RPS6KA2: variants seen among roughly 807,000 people sequenced by gnomAD.
RPS6KA2 encodes the protein ribosomal protein S6 kinase alpha-2.
RPS6KA2 carries 42 observed loss-of-function variants against 91.8 expected under a neutral mutation model. The ratio of observed to expected loss-of-function variants is 0.46; its 90% CI spans 0.36 to 0.59. RPS6KA2 has a LOEUF of 0.59. RPS6KA2 is among the 20% of genes least tolerant of loss of function. The pLI is 0.00. For missense variants in RPS6KA2, 798 were observed against 978.5 expected (o/e 0.82, Z 2.46); for synonymous variants, 414 against 393.6 (o/e 1.05, Z -0.61).
chr6:166,578,781 C>T (rs1186125745), intron 1 of RPS6KA2, among the ~76,000 whole-genome samples: 2 of 152,192 alleles, frequency 1.3e-5, no homozygotes, highest in Admixed American at 1.3e-4. Flanking sequence ...CTGGGCTCAG[C>T]TCCGAGGTCT....
rs147192040 is a variant in RPS6KA2, at chr6:166,828,580, G to C, written c.123+29620C>G. Among the ~76,000 whole-genome samples, 20 of 152,304 alleles carry C rather than the reference G, an allele frequency of 1.3e-4. No individual in the cohort carries two copies. In the East Asian group the frequency reaches 3.5e-3, roughly 26 times the overall value. On this transcript the variant is annotated intron_variant, in intron 2 of 21. Coordinates refer to the RPS6KA2 transcript ENST00000503859. ...AATGTATTCAGTGTGCCTTAAAAGTGGTATCACTGACTCATCAAATTGTCT... is the reference window on the plus strand; with the variant it reads ...AATGTATTCAGTGTGCCTTAAAAGTCGTATCACTGACTCATCAAATTGTCT...
At chr6:166,757,860 G>C in intron 2 of RPS6KA2, 2 of 287,878 alleles carry the variant, frequency 6.9e-6, no homozygotes, top group Non-Finnish European at 1.4e-5. Flanking sequence ...GAGAGAAGCT[G>C]AGAAAACCTC....
chr6:166,643,857 T>C (rs1263742666), intron 2 of RPS6KA2, among the ~76,000 whole-genome samples: 1 of 152,236 alleles, frequency 6.6e-6, no homozygotes, highest in Non-Finnish European at 1.5e-5. Flanking sequence ...CTTAGGTGTA[T>C]GTGTGTGAGC....
chr6:166,480,549 C>G (rs1053448956), intron 10 of RPS6KA2, among the ~76,000 whole-genome samples: 3 of 137,776 alleles, frequency 2.2e-5, no homozygotes, highest in African/African-American at 8.5e-5. Context: ...GAGTTTTGCT[C>G]TGTTGCCCAG....
At chr6:166,525,492 G>A (rs1782993675) in intron 3 of RPS6KA2, among the ~76,000 whole-genome samples, 1 of 152,076 alleles carries the variant, frequency 6.6e-6, no homozygotes, top group African/African-American at 2.4e-5. Flanking sequence ...GAAGGAGACG[G>A]GTGCCCAACG....
chr6:166,451,003 G>T, intron 13 of RPS6KA2, 100 bp downstream of exon 13: 2 of 1,432,316 alleles, frequency 1.4e-6, no homozygotes, highest in Non-Finnish European at 9.7e-7. Flanking sequence ...CCCATCCTAA[G>T]CACCCAACCC....
At position 166,718,927 on chromosome 6, in the gene RPS6KA2, T is replaced by C. The variant is rs186289027; in HGVS notation, c.123+139273A>G. On this transcript the variant is annotated intron_variant, in intron 2 of 21. Coordinates refer to the RPS6KA2 transcript ENST00000503859. ...ACCATTAGATTTTTTCTTATTTGTG[T>C]GTCTGTATACAGGCATATATGAGTA... Among the ~76,000 whole-genome samples, 366 of 152,350 alleles carry C rather than the reference T, an allele frequency of 2.4e-3. 1 individual carries two copies. Among genetic ancestry groups the C allele is most frequent in the Non-Finnish European group, 3.6e-3 (242 of 68,028 alleles).
intron 2 of RPS6KA2, among the ~76,000 whole-genome samples, chr6:166,794,776 G>A (rs1779182061): frequency 6.7e-6 from 1 of 150,364 alleles, no homozygotes; most frequent in Non-Finnish European, 1.5e-5. Flanking sequence ...AACACCACAT[G>A]TTGTCACTCA....
intron 2 of RPS6KA2, among the ~76,000 whole-genome samples, chr6:166,673,545 G>C (rs954676245): frequency 6.6e-6 from 1 of 152,128 alleles, no homozygotes; most frequent in Non-Finnish European, 1.5e-5. Context: ...TGAGCCCATG[G>C]GGCCAGCTGC....
In RPS6KA2 at chr6:166,770,739, C is replaced by T; in HGVS notation, c.123+87461G>A. The T allele has an allele frequency of 2.2e-6, 2 of 927,798 alleles. No individual in the cohort carries two copies. Among genetic ancestry groups the T allele is most frequent in the Middle Eastern group, 4.5e-4 (2 of 4,482 alleles). The allele number at this position is 927,798 out of a possible 1,614,324, so 57.5% of individuals were successfully genotyped here. A position where few individuals can be genotyped will look rare whatever the true frequency, so the allele number is the denominator to read the frequency against. ...CTTCTAAAAGCTCTTCGCACCTTGC[C>T]TTGCTGGACTCCGGGCACCGTGAAA... On this transcript the variant is annotated intron_variant, in intron 2 of 21. Transcript: ENST00000503859. The surrounding 1 kb of genome is among the most constrained non-coding windows in gnomAD (Gnocchi z 5.1).
At chr6:166,440,925 G>A (rs773772657) in intron 14 of RPS6KA2, among the ~76,000 whole-genome samples, 2 of 152,246 alleles carry the variant, frequency 1.3e-5, no homozygotes, top group Non-Finnish European at 2.9e-5. Flanking sequence ...CAGCTTCCCA[G>A]TGTGTGTTTC....
chr6:166,808,964 A>C (rs1779564387), intron 2 of RPS6KA2, among the ~76,000 whole-genome samples: 1 of 152,212 alleles, frequency 6.6e-6, no homozygotes, highest in African/African-American at 2.4e-5. Flanking sequence ...GTAAATATAG[A>C]CTGCAAGACA....
chr6:166,856,603 C>T lies in RPS6KA2; in HGVS notation c.123+1597G>A, dbSNP rs147752862. Among the ~76,000 whole-genome samples the T allele has an allele frequency of 2.9e-3, 439 of 152,332 alleles. 2 individuals carry two copies. Among genetic ancestry groups the T allele is most frequent in the South Asian group, 0.01 (50 of 4,818 alleles). On this transcript the variant is annotated intron_variant, in intron 2 of 21. Coordinates refer to the RPS6KA2 transcript ENST00000503859. ...GGCTCAGGGCCTTGTCGTCAGCCTC[C>T]TGAAGCCAACTACTAAGTCATCACA...
chr6:166,596,472 G>C (rs1462254242), intron 1 of RPS6KA2, among the ~76,000 whole-genome samples: 1 of 152,100 alleles, frequency 6.6e-6, no homozygotes, highest in Non-Finnish European at 1.5e-5. Context: ...GAGTCTTCTG[G>C]TCTTCATCTT....
chr6:166,747,839 G>A (rs963384218), intron 2 of RPS6KA2, among the ~76,000 whole-genome samples: 1 of 152,226 alleles, frequency 6.6e-6, no homozygotes, highest in Non-Finnish European at 1.5e-5. Context: ...CTCTGCAGGA[G>A]ACAGGATGGC....
intron 1 of RPS6KA2, among the ~76,000 whole-genome samples, chr6:166,550,805 A>G (rs534287835): frequency 7.6e-4 from 116 of 152,016 alleles, no homozygotes; most frequent in Non-Finnish European, 1.3e-3. Flanking sequence ...GATCGACACC[A>G]TCCTGGCTAA....
In RPS6KA2 at chr6:166,830,138, A is replaced by AAGAAAG. The variant is rs202007852; in HGVS notation, c.123+28061_123+28062insCTTTCT. ...AAAACTCCATTTCAAAAAAAAAAAA[A>AAGAAAG]AAAGAAAGAAAGAAAGAAAGAAAGA... On this transcript the variant is annotated intron_variant, in intron 2 of 21. Coordinates refer to the RPS6KA2 transcript ENST00000503859. Among the ~76,000 whole-genome samples the AAGAAAG allele has an allele frequency of 2.3e-5, 3 of 129,072 alleles. No individual in the cohort carries two copies. The East Asian group carries it at 6.3e-4, about 27-fold the overall frequency. The allele number at this position is 129,072 out of a possible 152,430, so 84.7% of individuals were successfully genotyped here.
At chr6:166,829,534 G>A (rs996589145) in intron 2 of RPS6KA2, among the ~76,000 whole-genome samples, 6 of 141,814 alleles carry the variant, frequency 4.2e-5, no homozygotes, top group Admixed American at 3.7e-4. Flanking sequence ...AGCTTGCAGT[G>A]AGCCAAGATC....
intron 2 of RPS6KA2, among the ~76,000 whole-genome samples, chr6:166,771,473 G>T (rs1163450022): frequency 6.6e-6 from 1 of 152,184 alleles, no homozygotes; most frequent in African/African-American, 2.4e-5. Flanking sequence ...TGGCCAGCAT[G>T]GTTTGGAGGT....
Sources: gnomAD v4.1 joint callset for allele counts (sites outside exome capture counted in the v4.1 genomes callset) on GRCh38, gnomAD v4.1.1 for gene constraint, Gnocchi (gnomAD v3.1) non-coding constraint, MANE v1.5 for transcripts, NCBI Gene and HGNC (gene_info 2026-07-23, HGNC 2026-07-21) for gene names.